ABI2: variants seen among roughly 807,000 people sequenced by gnomAD.
The protein encoded by ABI2 is abl interactor 2.
A neutral mutation model predicts 59.2 loss-of-function variants in ABI2; 25 were observed. That is an observed-to-expected ratio of 0.42 (90% CI 0.31 to 0.59). ABI2 has a LOEUF of 0.59. Among genes scored for constraint, ABI2 ranks in the 20% least tolerant of loss-of-function variants. The probability of loss-of-function intolerance (pLI) is 0.14; values close to 1 mark genes in which losing one functional copy is unlikely to be tolerated. For synonymous variants in ABI2, 213 were observed against 235.5 expected, an observed-to-expected ratio of 0.90 and a Z score of 0.87; for missense variants, 545 against 681.8, an observed-to-expected ratio of 0.80 and a Z score of 2.23.
At chr2:203,338,610 G>A (rs1575726588) in intron 1 of ABI2, among the ~76,000 whole-genome samples, 1 of 151,880 alleles carries the variant, frequency 6.6e-6, no homozygotes, top group East Asian at 1.9e-4. Context: ...ACCAAGAGCC[G>A]ATTAAACCTC....
intron 1 of ABI2, among the ~76,000 whole-genome samples, chr2:203,346,426 GTA>G (rs2083601732): frequency 6.6e-6 from 1 of 152,214 alleles, no homozygotes; most frequent in Admixed American, 6.5e-5. Flanking sequence ...TCACCAGTGT[GTA>G]TGATACCATA....
intron 2 of ABI2, among the ~76,000 whole-genome samples, chr2:203,372,969 A>G (rs964219065): frequency 3.3e-5 from 5 of 150,302 alleles, no homozygotes; most frequent in Admixed American, 3.3e-4. Context: ...GGCGCTCCTC[A>G]CTTTCCAGAC....
intron 4 of ABI2, among the ~76,000 whole-genome samples, chr2:203,384,284 GTTTTTGTT>G (rs2096322827): frequency 8.2e-5 from 4 of 48,516 alleles, no homozygotes; most frequent in African/African-American, 2.9e-4. Context: ...TCTTGTTTTT[GTTTTTGTT>G]TTTTTTTTTT....
intron 1 of ABI2, chr2:203,351,505 A>T (rs1194404041): frequency 4.8e-6 from 2 of 412,970 alleles, no homozygotes; most frequent in African/African-American, 4.3e-5. Context: ...ATTTCTTTCA[A>T]TGATGTTTTG....
intron 9 of ABI2, chr2:203,403,237 CTAAA>C (rs2097292990): frequency 6.6e-6 from 1 of 152,584 alleles, no homozygotes; most frequent in African/African-American, 2.4e-5. Context: ...AATAATTACA[CTAAA>C]TAATCGGTTG....
intron 2 of ABI2, among the ~76,000 whole-genome samples, chr2:203,378,995 G>A (rs556039019): frequency 6.6e-6 from 1 of 152,120 alleles, no homozygotes; most frequent in Non-Finnish European, 1.5e-5. Context: ...TGAAATAATT[G>A]CTGCTTACAT....
rs1274401385 is a variant in ABI2, at chr2:203,384,321, T to C, written c.480+2115T>C. Among the ~76,000 whole-genome samples, 2 of 140,178 alleles carry C rather than the reference T, an allele frequency of 1.4e-5. 1 individual carries two copies. Among genetic ancestry groups the C allele is most frequent in the South Asian group, 4.6e-4 (2 of 4,358 alleles). The allele number at this position is 140,178 out of a possible 152,430, so 92.0% of individuals were successfully genotyped here. ...TTTTTTTTTTTTTTTTTTTTTTTTT[T>C]TTTGAGACAGGGTCTCACTCTGTCA... On this transcript the variant is annotated intron_variant, in intron 4 of 11. Transcript: ENST00000261018.
At chr2:203,372,072 GC>G (rs2095261681) in intron 2 of ABI2, among the ~76,000 whole-genome samples, 1 of 151,996 alleles carries the variant, frequency 6.6e-6, no homozygotes, top group Admixed American at 6.5e-5. Context: ...AGAGGACCCT[GC>G]GGCCTTCCGC....
At chr2:203,397,329 C>T (rs1241732300) in intron 8 of ABI2, among the ~76,000 whole-genome samples, 1 of 152,004 alleles carries the variant, frequency 6.6e-6, no homozygotes, top group Non-Finnish European at 1.5e-5. Context: ...TACAATAATT[C>T]TAAGGTATAT....
intron 9 of ABI2, among the ~76,000 whole-genome samples, chr2:203,403,798 A>T (rs1053128960): frequency 1.6e-5 from 2 of 128,782 alleles, no homozygotes; most frequent in Non-Finnish European, 3.1e-5. Flanking sequence ...GTTGCCCAGG[A>T]TGGAGTGCAG....
In ABI2 at chr2:203,430,098, C is replaced by G. The variant is rs1023770805; in HGVS notation, c.*2746C>G. 4 of 152,048 alleles carry G rather than the reference C, an allele frequency of 2.6e-5. No homozygotes were observed. Among genetic ancestry groups the G allele is most frequent in the African/African-American group, 9.7e-5 (4 of 41,400 alleles). 9.4% of individuals were successfully genotyped at this position (152,048 alleles called of 1,614,324 possible). ...CTTGGAAGGATACTGTGTGATGGGT[C>G]AGGCACACAGTAATTGGAGACTTTT... On this transcript the variant is annotated 3_prime_UTR_variant, in exon 12 of 12. Transcript: ENST00000261018.
chr2:203,381,395 G>A (rs1280348369), intron 3 of ABI2, among the ~76,000 whole-genome samples: 1 of 152,122 alleles, frequency 6.6e-6, no homozygotes. Context: ...TCCCTTGTCA[G>A]CTTCCCTGGG....
intron 1 of ABI2, among the ~76,000 whole-genome samples, chr2:203,338,963 AATATATATATATAT>A (rs1491155859): frequency 1.0e-4 from 1 of 10,004 alleles, no homozygotes; most frequent in African/African-American, 3.6e-4. Flanking sequence ...TATATATATA[AATATATATATATAT>A]ATATAAATAT....
intron 2 of ABI2, chr2:203,376,209 A>G (rs2095667156): frequency 1.6e-5 from 18 of 1,100,164 alleles, no homozygotes; most frequent in Non-Finnish European, 1.8e-5. Context: ...CCAAGGGGAC[A>G]TTTGGCAATG....
intron 9 of ABI2, among the ~76,000 whole-genome samples, chr2:203,409,118 G>T (rs1180031252): frequency 6.6e-6 from 1 of 151,874 alleles, no homozygotes; most frequent in South Asian, 2.1e-4. Context: ...GATTACAGGC[G>T]TGAGCCACCG....
intron 1 of ABI2, among the ~76,000 whole-genome samples, chr2:203,337,452 C>T (rs932058595): frequency 1.3e-5 from 2 of 152,166 alleles, no homozygotes; most frequent in African/African-American, 4.8e-5. Context: ...AAGGTCTGTA[C>T]ACTAAAAACT....
At chr2:203,360,184 C>CAAAAAA (rs58857922) in intron 1 of ABI2, among the ~76,000 whole-genome samples, 10 of 70,888 alleles carry the variant, frequency 1.4e-4, no homozygotes, top group Non-Finnish European at 2.1e-4. Flanking sequence ...GACTCCATCT[C>CAAAAAA]AAAAAAAAAA....
chr2:203,331,481 TC>T (rs2152295956), intron 1 of ABI2, among the ~76,000 whole-genome samples: 1 of 149,614 alleles, frequency 6.7e-6, no homozygotes, highest in African/African-American at 2.4e-5. Context: ...GCCTCAGCCT[TC>T]CAAGTAGCTG....
chr2:203,346,565 T>C (rs1338039223), intron 1 of ABI2, among the ~76,000 whole-genome samples: 2 of 152,256 alleles, frequency 1.3e-5, no homozygotes, highest in Non-Finnish European at 2.9e-5. Context: ...CTGTAGCTTT[T>C]AGCTCTTCCT....
Sources: allele counts gnomAD v4.1 joint callset (sites outside exome capture counted in the v4.1 genomes callset), GRCh38; gene constraint gnomAD v4.1.1; transcripts MANE v1.5; gene names NCBI Gene and HGNC (gene_info 2026-07-23, HGNC 2026-07-21).